Variants in TENM4 observed in about 807,000 individuals in gnomAD.
TENM4 encodes the protein teneurin-4.
Under a neutral mutation model 243.3 loss-of-function variants are expected in TENM4, and 82 were observed. The ratio of observed to expected loss-of-function variants is 0.34; its 90% CI spans 0.28 to 0.40. The LOEUF (loss-of-function observed/expected upper bound fraction) is 0.40, where lower values mean the gene tolerates loss of function less well. Ranked by LOEUF, TENM4 falls within the 10% of genes least tolerant of loss-of-function variation. The pLI is 1.00. For missense variants in TENM4, 3,138 were observed against 3,673.3 expected (o/e 0.85, Z 3.77); for synonymous variants, 1,412 against 1,456.3 (o/e 0.97, Z 0.69).
intron 3 of TENM4, among the ~76,000 whole-genome samples, chr11:79,153,061 A>C (rs925710301): frequency 1.3e-5 from 2 of 152,192 alleles, no homozygotes; most frequent in Non-Finnish European, 2.9e-5. Flanking sequence ...GATGTCTCTG[A>C]ATAGGCAGTA....
At chr11:78,893,516 G>T (rs1855713070) in intron 7 of TENM4, among the ~76,000 whole-genome samples, 1 of 152,102 alleles carries the variant, frequency 6.6e-6, no homozygotes, top group Non-Finnish European at 1.5e-5. Context: ...ATAAGCTCTG[G>T]CCTCTAGTAC....
intron 6 of TENM4, among the ~76,000 whole-genome samples, chr11:78,905,187 G>A (rs1856035536): frequency 1.3e-5 from 2 of 152,204 alleles, no homozygotes; most frequent in Admixed American, 1.3e-4. Flanking sequence ...TTTTATAGAG[G>A]AGACTAAGAA....
intron 6 of TENM4, among the ~76,000 whole-genome samples, chr11:79,045,596 A>G (rs1229236600): frequency 6.6e-6 from 1 of 152,182 alleles, no homozygotes; most frequent in Non-Finnish European, 1.5e-5. Context: ...ACTGGAGCTC[A>G]GGCTGCAGAG....
At chr11:78,970,504 G>T (rs1437377404) in intron 6 of TENM4, among the ~76,000 whole-genome samples, 2 of 152,114 alleles carry the variant, frequency 1.3e-5, no homozygotes, top group Non-Finnish European at 2.9e-5. Flanking sequence ...TAATTACATG[G>T]CCACCCTCTT....
chr11:78,839,114 T>C (rs1858191162), intron 12 of TENM4, among the ~76,000 whole-genome samples: 1 of 152,206 alleles, frequency 6.6e-6, no homozygotes, highest in South Asian at 2.1e-4. Context: ...TGAGTACCCT[T>C]TCATGATTCT....
chr11:78,861,173 G>C (rs1333018928), intron 10 of TENM4, among the ~76,000 whole-genome samples: 3 of 152,178 alleles, frequency 2.0e-5, no homozygotes, highest in African/African-American at 4.8e-5. Context: ...AGCTGACATG[G>C]GCACCACGAG....
chr11:79,196,303 C>T (rs1463240525), intron 3 of TENM4, among the ~76,000 whole-genome samples: 1 of 151,840 alleles, frequency 6.6e-6, no homozygotes, highest in Non-Finnish European at 1.5e-5. Flanking sequence ...CCCTGCTGCT[C>T]CTTAGCTGTG....
At chr11:79,058,664 AT>A (rs1860007937) in intron 6 of TENM4, among the ~76,000 whole-genome samples, 1 of 152,192 alleles carries the variant, frequency 6.6e-6, no homozygotes. Context: ...ACTGCTCCAA[AT>A]CTCTGTGTCC....
chr11:79,023,194 C>A (rs1271659422), intron 6 of TENM4, among the ~76,000 whole-genome samples: 2 of 152,116 alleles, frequency 1.3e-5, no homozygotes, highest in Admixed American at 1.3e-4. Flanking sequence ...CCTTCCTAAT[C>A]CCCATTTGTC....
At chr11:79,191,768 T>C in intron 3 of TENM4, 2 of 180,250 alleles carry the variant, frequency 1.1e-5, no homozygotes, top group South Asian at 1.9e-4. Context: ...GAGCGCCTCG[T>C]CCCGGCCGCG....
chr11:79,413,972 A>T (rs1858757361), intron 1 of TENM4, among the ~76,000 whole-genome samples: 1 of 152,190 alleles, frequency 6.6e-6, no homozygotes, highest in Non-Finnish European at 1.5e-5. Flanking sequence ...GTGGCTCTGC[A>T]TGGAGCTTAT....
intron 1 of TENM4, among the ~76,000 whole-genome samples, chr11:79,371,538 T>G (rs965280439): frequency 3.9e-5 from 6 of 152,208 alleles, no homozygotes. Context: ...ACAGCCCCCA[T>G]GGGCTTCCTT....
At chr11:79,413,049 T>C (rs1045442603) in intron 1 of TENM4, among the ~76,000 whole-genome samples, 1 of 152,210 alleles carries the variant, frequency 6.6e-6, no homozygotes, top group African/African-American at 2.4e-5. Flanking sequence ...GATGTGGTAA[T>C]AACTAAAGGC....
At chr11:78,716,674 T>C (rs1859528024) in intron 25 of TENM4, among the ~76,000 whole-genome samples, 1 of 152,240 alleles carries the variant, frequency 6.6e-6, no homozygotes, top group African/African-American at 2.4e-5. Flanking sequence ...TGGGCATCTA[T>C]ACCTTTGAGA....
chr11:79,072,557 T>C (rs1860441987), intron 4 of TENM4, among the ~76,000 whole-genome samples: 2 of 152,090 alleles, frequency 1.3e-5, no homozygotes, highest in South Asian at 2.1e-4. Flanking sequence ...AATGTGTGTG[T>C]TTACATGTAT....
chr11:79,344,338 G>T (rs752496510), intron 1 of TENM4, among the ~76,000 whole-genome samples: 4 of 152,174 alleles, frequency 2.6e-5, no homozygotes, highest in Non-Finnish European at 5.9e-5. Context: ...CTATGGGCTA[G>T]GGGAGGTGAG....
At chr11:79,430,934 AG>A (rs1179213534) in intron 1 of TENM4, among the ~76,000 whole-genome samples, 1 of 152,248 alleles carries the variant, frequency 6.6e-6, no homozygotes, top group Non-Finnish European at 1.5e-5. Context: ...TAGATAAGCC[AG>A]AAGTTCCAAA....
At chr11:79,001,663 G>C (rs1858332864) in intron 6 of TENM4, among the ~76,000 whole-genome samples, 1 of 152,170 alleles carries the variant, frequency 6.6e-6, no homozygotes, top group South Asian at 2.1e-4. Context: ...AGCCTTGAGG[G>C]GGACTACTGA....
intron 33 of TENM4, 82 bp downstream of exon 33, chr11:78,661,367 C>T: frequency 6.6e-7 from 1 of 1,519,716 alleles, no homozygotes; most frequent in Non-Finnish European, 8.9e-7. Context: ...ATCACTGGCC[C>T]ATGCTTTTCT....
Sources: allele counts gnomAD v4.1 joint callset (sites outside exome capture counted in the v4.1 genomes callset), GRCh38; gene constraint gnomAD v4.1.1; transcripts MANE v1.5; gene names NCBI Gene and HGNC (gene_info 2026-07-23, HGNC 2026-07-21).